WNK2: variants seen among roughly 807,000 people sequenced by gnomAD.
WNK2 encodes serine/threonine-protein kinase WNK2.
A neutral mutation model predicts 192.1 loss-of-function variants in WNK2; 67 were observed. The ratio of observed to expected loss-of-function variants is 0.35; its 90% CI spans 0.29 to 0.43. WNK2 has a LOEUF of 0.43. Ranked by LOEUF, WNK2 falls within the 20% of genes least tolerant of loss-of-function variation. The pLI is 1.00. For missense variants in WNK2, 2,698 were observed against 3,089.7 expected (o/e 0.87, Z 3.01); for synonymous variants, 1,439 against 1,393.9 (o/e 1.03, Z -0.72).
At position 93,185,073 on chromosome 9, in the gene WNK2, G is replaced by T. The variant is rs1051638354; in HGVS notation, c.144G>T (p.Glu48Asp). Residue 48 changes from glutamate to aspartate, a missense_variant, in exon 2 of 30, where the codon GAG becomes GAT. By Grantham distance (45) the Glu-to-Asp change is conservative. Around this residue, in one of 7 missense-constraint regions of WNK2, gnomAD observed 260 missense variants for 285.6 expected, o/e 0.91. Transcript: ENST00000427277. ...GCTTTCTGCGGCGCAGCGTGGTAGA[G>T]TCGGACCAGGAGGAGCCGCCGGGCT... ...PQRFLRRSVV[E>D]SDQEEPPGLE... The T allele has an allele frequency of 8.4e-6, 11 of 1,314,906 alleles. No individual in the cohort carries two copies. The South Asian group carries it at 1.2e-4, about 14-fold the overall frequency. The allele number at this position is 1,314,906 out of a possible 1,614,324, so 81.5% of individuals were successfully genotyped here.
intron 16 of WNK2, among the ~76,000 whole-genome samples, chr9:93,264,304 C>G (rs1844821605): frequency 6.6e-6 from 1 of 152,194 alleles, no homozygotes; most frequent in African/African-American, 2.4e-5. Flanking sequence ...AGCCCTTCCT[C>G]CAAATAAAAG....
chr9:93,268,822 T>C lies in WNK2; in HGVS notation c.4033+76T>C, dbSNP rs752899890. On this transcript the variant is annotated intron_variant, in intron 19 of 29. Transcript: ENST00000427277. Reference sequence around the variant, plus strand: ...CTCCTTCTGTGCATGACCCAGCCGGTATGTGCCCCGTGCCCAGGTCCATGC... The same window carrying C: ...CTCCTTCTGTGCATGACCCAGCCGGCATGTGCCCCGTGCCCAGGTCCATGC... The C allele has an allele frequency of 2.5e-6, 4 of 1,579,638 alleles. No homozygotes were observed. The South Asian group carries it at 4.6e-5, about 18-fold the overall frequency.
intron 27 of WNK2, 184 bp downstream of exon 27, chr9:93,307,005 T>A: frequency 1.4e-6 from 1 of 697,096 alleles, no homozygotes; most frequent in Non-Finnish European, 2.5e-6. Context: ...TGTCCTCGGC[T>A]CCCCCGTGTG....
chr9:93,270,612 A>G (rs956356451), intron 19 of WNK2, among the ~76,000 whole-genome samples: 1 of 152,184 alleles, frequency 6.6e-6, no homozygotes, highest in African/African-American at 2.4e-5. Flanking sequence ...GCAGAAGCAA[A>G]TGCTTTGGTG....
intron 2 of WNK2, among the ~76,000 whole-genome samples, chr9:93,195,635 G>T (rs1831100032): frequency 7.2e-6 from 1 of 139,220 alleles, no homozygotes; most frequent in Admixed American, 8.1e-5. Flanking sequence ...GGAGGTGGAG[G>T]TTGCAGTGAG....
intron 4 of WNK2, among the ~76,000 whole-genome samples, chr9:93,231,893 G>C (rs1838880084): frequency 6.6e-6 from 1 of 152,232 alleles, no homozygotes; most frequent in African/African-American, 2.4e-5. Context: ...TGGGTGTGAA[G>C]TGTCCACTGG....
Position 93,234,871 on chromosome 9 carries a change from A to G in WNK2, c.1139A>G (p.Tyr380Cys), listed in dbSNP as rs746081856. 11 of 1,614,078 alleles carry G rather than the reference A, an allele frequency of 6.8e-6. No homozygotes were observed. The highest frequency in any genetic ancestry group is 4.5e-5 in the East Asian group (2 of 44,898). Residue 380 changes from tyrosine to cysteine, a missense_variant, in exon 5 of 30, where the codon TAT (tyrosine) becomes TGT (cysteine). By Grantham distance (194) the Tyr-to-Cys change is radical. Around this residue, in one of 7 missense-constraint regions of WNK2, gnomAD observed 230 missense variants for 501.1 expected, o/e 0.46. Transcript: ENST00000427277. ...CACTACGATGAGTCCGTGGACGTCT[A>G]TGCCTTTGGGATGTGCATGCTGGAG... ...EEHYDESVDV[Y>C]AFGMCMLEMA... is the part of the protein sequence containing the mutation.
At chr9:93,279,829 A>G (rs1847456425) in intron 19 of WNK2, among the ~76,000 whole-genome samples, 1 of 152,184 alleles carries the variant, frequency 6.6e-6, no homozygotes, top group Non-Finnish European at 1.5e-5. Context: ...TCAGCTTTGT[A>G]ACAGTTGATC....
chr9:93,223,974 C>G (rs1156486906), intron 2 of WNK2, among the ~76,000 whole-genome samples: 1 of 152,222 alleles, frequency 6.6e-6, no homozygotes, highest in African/African-American at 2.4e-5. Flanking sequence ...TAGGCCTGAG[C>G]TCTACCAGAG....
intron 19 of WNK2, among the ~76,000 whole-genome samples, chr9:93,284,652 G>A (rs531418682): frequency 1.7e-4 from 26 of 152,116 alleles, no homozygotes; most frequent in African/African-American, 6.3e-4. Flanking sequence ...AAGGGAGAAA[G>A]AAAAAGAAGG....
chr9:93,312,561 G>A lies in WNK2; in HGVS notation c.6516+3977G>A, dbSNP rs180793306. Among the ~76,000 whole-genome samples the A allele has an allele frequency of 3.9e-4, 60 of 152,066 alleles. No individual in the cohort carries two copies. In the East Asian group the frequency reaches 0.01, roughly 26 times the overall value. ...AGCTAATTATTTTATTTTATTTTTA[G>A]TAGAGACGAGATTTCACCATGTTGG... On this transcript the variant is annotated intron_variant, in intron 28 of 29. Transcript: ENST00000427277.
rs1386659851 is a variant in WNK2, at chr9:93,258,964, C to T, written c.2416C>T (p.Pro806Ser). Reference sequence around the variant, plus strand: ...GATTCCTGTTGTGCCCCCCATCACGCCCCTGGCGGGAATCGACGGCCTCCC... The same window carrying T: ...GATTCCTGTTGTGCCCCCCATCACGTCCCTGGCGGGAATCGACGGCCTCCC... ...PPIPVVPPIT[P>S]LAGIDGLPPA... is the part of the protein sequence containing the mutation. Residue 806 changes from proline (P) to serine (S), a missense_variant, in exon 12 of 30, where the codon CCC becomes TCC. By Grantham distance (74) the Pro-to-Ser change is moderately conservative (BLOSUM62 -1). This residue lies in a region of WNK2 where 893 missense variants were observed against 909.0 expected (regional missense o/e 0.98). Transcript: ENST00000427277. 2.5e-6 allele frequency: 4 copies of T among 1,612,894 alleles called. No homozygotes were observed. Among genetic ancestry groups the T allele is most frequent in the Non-Finnish European group, 3.4e-6 (4 of 1,179,728 alleles).
intron 19 of WNK2, among the ~76,000 whole-genome samples, chr9:93,270,880 A>AT (rs1554724258): frequency 2.6e-5 from 4 of 151,880 alleles, no homozygotes; most frequent in Admixed American, 6.6e-5. Flanking sequence ...AACCTGTCAC[A>AT]TTTTTTTTCT....
Position 93,229,201 on chromosome 9 carries a change from G to C in WNK2, c.682-495G>C, listed in dbSNP as rs1263387026. 2.0e-5 allele frequency among the ~76,000 whole-genome samples: 3 copies of C among 152,168 alleles called. No individual in the cohort carries two copies. Among genetic ancestry groups the C allele is most frequent in the Admixed American group, 2.0e-4 (3 of 15,282 alleles). ...TGCCCTCTGGGCTGCTGACTGGTCA[G>C]TTTGGCTCTGCTAGGGCTTTTCTCT... On this transcript the variant is annotated intron_variant, in intron 2 of 29. Coordinates refer to ENST00000427277, the MANE Select transcript of WNK2 (RefSeq NM_006648.4). This position sits in a 1 kb window ranked among gnomAD's most constrained non-coding sequence, Gnocchi z 4.9.
At chr9:93,210,622 T>C (rs1369700058) in intron 2 of WNK2, among the ~76,000 whole-genome samples, 1 of 152,118 alleles carries the variant, frequency 6.6e-6, no homozygotes, top group Non-Finnish European at 1.5e-5. Flanking sequence ...ACCAGGCCCT[T>C]TCCTTGTGAG....
rs527950517 is a variant in WNK2 at position 93,288,779 on chromosome 9, T to C, written c.4034-9T>C. 6 of 1,602,682 alleles carry C rather than the reference T, an allele frequency of 3.7e-6. No individual in the cohort carries two copies. The African/African-American group carries it at 8.0e-5, about 21-fold the overall frequency. On this transcript the variant is annotated splice_polypyrimidine_tract_variant and intron_variant, in intron 19 of 29. Coordinates refer to ENST00000427277, the MANE Select transcript of WNK2 (RefSeq NM_006648.4). ...CCTGGTACAAAGGCATTTTCCCCAT[T>C]TCTTCTAGATTCAGCGCCCTATAAA... is the stretch of plus-strand genomic sequence containing the variant.
At chr9:93,189,530 G>T (rs1289796878) in intron 2 of WNK2, among the ~76,000 whole-genome samples, 1 of 152,240 alleles carries the variant, frequency 6.6e-6, no homozygotes, top group Non-Finnish European at 1.5e-5. Flanking sequence ...TCCTGCCCCA[G>T]CCGGGTGTCT....
intron 23 of WNK2, among the ~76,000 whole-genome samples, chr9:93,294,236 C>T (rs922017909): frequency 2.6e-5 from 4 of 152,142 alleles, no homozygotes; most frequent in African/African-American, 7.2e-5. Context: ...CCCAGGCTGG[C>T]GGGGTGGTCA....
chr9:93,259,493 C>T lies in WNK2; in HGVS notation c.2945C>T (p.Pro982Leu), dbSNP rs191106035. The part of the protein sequence containing the change: ...PTRPPQPVLP[P>L]QPMLPPQPVL... The stretch of plus-strand genomic sequence containing the variant: ...CGGCCCCCTCAACCTGTGCTGCCCC[C>T]GCAACCCATGCTGCCCCCACAACCT... Residue 982 changes from proline (P) to leucine (L), a missense_variant, in exon 12 of 30, where the codon CCG (proline) becomes CTG (leucine). Physicochemically the swap from Pro to Leu is moderately conservative, Grantham distance 98. Coordinates refer to ENST00000427277, the MANE Select transcript of WNK2 (RefSeq NM_006648.4). This position sits in a 1 kb window ranked among gnomAD's most constrained non-coding sequence, Gnocchi z 4.8. The T allele has an allele frequency of 5.6e-5, 87 of 1,550,128 alleles. 2 individuals are homozygous for T. The highest frequency in any genetic ancestry group is 5.0e-4 in the African/African-American group (36 of 71,470).
Sources: allele counts gnomAD v4.1 joint callset (sites outside exome capture counted in the v4.1 genomes callset), GRCh38; gene constraint gnomAD v4.1.1; regional missense constraint gnomAD v4.1.1; non-coding constraint Gnocchi (gnomAD v3.1); transcripts MANE v1.5; gene names NCBI Gene and HGNC (gene_info 2026-07-23, HGNC 2026-07-21).